The following CNKSR2 variants were observed in gnomAD, a reference collection of about 807,000 sequenced individuals.
CNKSR2 encodes the protein CNK homolog protein 2.
In CNKSR2, 14 loss-of-function variants were observed where a neutral mutation model predicts 84.4. The ratio of observed to expected loss-of-function variants is 0.17; its 90% CI spans 0.11 to 0.26. CNKSR2 has a LOEUF of 0.26. Ranked by LOEUF, CNKSR2 falls within the 10% of genes least tolerant of loss-of-function variation. The pLI is 1.00. For missense variants in CNKSR2, 485 were observed against 771.2 expected, an observed-to-expected ratio of 0.63 and a Z score of 4.40; for synonymous variants, 275 against 277.9, an observed-to-expected ratio of 0.99 and a Z score of 0.10.
intron 4 of CNKSR2, among the ~76,000 whole-genome samples, chrX:21,461,140 A>G (rs1047390394): frequency 8.9e-6 from 1 of 112,427 alleles, no homozygotes; most frequent in African/African-American, 3.2e-5. Context: ...ACTAATATAC[A>G]TTCCCACCAA....
chrX:21,516,668 T>G, intron 9 of CNKSR2, 37 bp downstream of exon 9: 1 of 1,144,655 alleles, frequency 8.7e-7, no homozygotes, highest in Non-Finnish European at 1.2e-6. Context: ...CACCATCATT[T>G]TAGCCATAGA....
chrX:21,486,116 T>C (rs2091382159), intron 5 of CNKSR2, among the ~76,000 whole-genome samples: 1 of 111,840 alleles, frequency 8.9e-6, no homozygotes. Context: ...AGATCGAGAC[T>C]CCATCTCAAA....
chrX:21,495,223 G>A (rs981979444), intron 6 of CNKSR2: 1 of 111,569 alleles, frequency 9.0e-6, no homozygotes, highest in Non-Finnish European at 1.9e-5. Context: ...GGGCTTGAAA[G>A]CTGGCTTCAC....
chrX:21,615,571 G>A (rs2092573099), intron 20 of CNKSR2, among the ~76,000 whole-genome samples: 1 of 111,552 alleles, frequency 9.0e-6, no homozygotes, highest in African/African-American at 3.3e-5. Flanking sequence ...ATGAAGTGAT[G>A]TCAGAAAGCA....
intron 15 of CNKSR2, chrX:21,593,677 A>G (rs2092434385): frequency 9.0e-6 from 1 of 111,687 alleles, no homozygotes; most frequent in African/African-American, 3.3e-5. Context: ...AGCATTAGAG[A>G]GAGCAGGATT....
chrX:21,508,182 TAGCCA>T (rs1286401890), intron 8 of CNKSR2, among the ~76,000 whole-genome samples: 2 of 111,236 alleles, frequency 1.8e-5, no homozygotes, highest in African/African-American at 6.5e-5. Flanking sequence ...TTTTAAAAAT[TAGCCA>T]AGTGTCGCAG....
intron 20 of CNKSR2, chrX:21,642,852 A>G (rs946142764): frequency 2.0e-5 from 15 of 746,155 alleles, no homozygotes; most frequent in Non-Finnish European, 2.2e-5. Flanking sequence ...ATAAAATCAC[A>G]TTGATCTGCC....
At chrX:21,598,258 A>G (rs2092461322) in intron 17 of CNKSR2, among the ~76,000 whole-genome samples, 1 of 111,112 alleles carries the variant, frequency 9.0e-6, no homozygotes, top group South Asian at 3.8e-4. Flanking sequence ...ATAAAATAAA[A>G]CATCATAGTA....
At chrX:21,648,240 C>A (rs947170793) in intron 20 of CNKSR2, among the ~76,000 whole-genome samples, 4 of 111,522 alleles carry the variant, frequency 3.6e-5, no homozygotes, top group Non-Finnish European at 7.5e-5. Flanking sequence ...ATTACTATGG[C>A]AGTCACATGA....
chrX:21,645,053 A>C (rs1399844070), intron 20 of CNKSR2: 1 of 111,843 alleles, frequency 8.9e-6, no homozygotes, highest in Non-Finnish European at 1.9e-5. Context: ...TTGGGCTTTC[A>C]GTTATCACTT....
intron 2 of CNKSR2, 64 bp from the exon 3 acceptor site, chrX:21,432,548 T>C: frequency 1.2e-6 from 1 of 804,112 alleles, no homozygotes. Flanking sequence ...AAGTATTCAG[T>C]AAATATTTTC....
chrX:21,610,876 T>C (rs923584567), intron 20 of CNKSR2, among the ~76,000 whole-genome samples: 3 of 112,128 alleles, frequency 2.7e-5, no homozygotes, highest in Non-Finnish European at 5.6e-5. Context: ...CCCTTTATGG[T>C]GTGGATCTTC....
chrX:21,621,000 G>T (rs2147302397), intron 20 of CNKSR2, among the ~76,000 whole-genome samples: 1 of 111,372 alleles, frequency 9.0e-6, no homozygotes, highest in African/African-American at 3.3e-5. Flanking sequence ...TCAGCATAAT[G>T]GTCTTGCCCT....
At chrX:21,439,037 G>C in intron 3 of CNKSR2, among the ~76,000 whole-genome samples, 1 of 111,399 alleles carries the variant, frequency 9.0e-6, no homozygotes, top group Non-Finnish European at 1.9e-5. Context: ...AAATTAAACA[G>C]AAAGTAAGAT....
intron 1 of CNKSR2, among the ~76,000 whole-genome samples, chrX:21,410,032 CTGTGTGTGTG>C (rs60351010): frequency 8.2e-5 from 8 of 97,674 alleles, no homozygotes; most frequent in Non-Finnish European, 1.3e-4. Flanking sequence ...CTAATTGTGT[CTGTGTGTGTG>C]TGTGTGTGTG....
At chrX:21,505,082 T>C (rs1007502603) in intron 8 of CNKSR2, 1 of 217,690 alleles carries the variant, frequency 4.6e-6, no homozygotes, top group African/African-American at 2.9e-5. Flanking sequence ...AGACTACTTA[T>C]AGTTATTAAA....
chrX:21,642,040 T>C (rs2092693314), intron 20 of CNKSR2: 1 of 755,059 alleles, frequency 1.3e-6, no homozygotes, highest in Non-Finnish European at 1.6e-6. Flanking sequence ...AATGGACTCT[T>C]TGGTGGCCTC....
chrX:21,639,593 A>C (rs997522936), intron 20 of CNKSR2, among the ~76,000 whole-genome samples: 4 of 112,089 alleles, frequency 3.6e-5, no homozygotes, highest in African/African-American at 1.3e-4. Flanking sequence ...CCTCAGCAAA[A>C]ATCCTGAAAT....
chrX:21,420,660 G>T (rs779247719), intron 1 of CNKSR2, among the ~76,000 whole-genome samples: 3 of 110,824 alleles, frequency 2.7e-5, no homozygotes, highest in Non-Finnish European at 5.7e-5. Flanking sequence ...TTCTGGACCA[G>T]GGTATGTCTA....
Sources: gnomAD v4.1 joint callset for allele counts (sites outside exome capture counted in the v4.1 genomes callset) on GRCh38, gnomAD v4.1.1 for gene constraint, MANE v1.5 for transcripts, NCBI Gene and HGNC (gene_info 2026-07-23, HGNC 2026-07-21) for gene names.